The following TMEM26 variants were observed in gnomAD, a reference collection of about 807,000 sequenced individuals.
TMEM26 encodes transmembrane protein 26.
Under a neutral mutation model 28.8 loss-of-function variants are expected in TMEM26, and 38 were observed. That is an observed-to-expected ratio of 1.32 (90% confidence interval 1.02 to 1.73). The LOEUF is 1.73. TMEM26 is among the 40% of genes most tolerant of loss of function. The probability of loss-of-function intolerance (pLI) is 0.00; values close to 1 mark genes in which losing one functional copy is unlikely to be tolerated. For missense variants in TMEM26, 518 were observed against 447.1 expected (o/e 1.16, Z -1.43); for synonymous variants, 227 against 182.9 (o/e 1.24, Z -1.95).
rs796460023 is a variant in TMEM26 at position 61,452,876 on chromosome 10, C to T, written c.191+15G>A. 7.5e-6 allele frequency: 12 copies of T among 1,604,700 alleles called. No individual in the cohort carries two copies. Among genetic ancestry groups the T allele is most frequent in the African/African-American group, 4.0e-5 (3 of 74,868 alleles). ...TAGGGCCCCGTGCGCCCTCGCTTTC[C>T]CGGGGCACTCTCACCATTTGTAGCC... On this transcript the variant is annotated intron_variant, in intron 1 of 5. Transcript: ENST00000399298.
chr10:61,442,063 G>GTA (rs34021628), intron 1 of TMEM26, among the ~76,000 whole-genome samples: 15,797 of 151,442 alleles, frequency 0.1, 1,600 homozygotes, highest in African/African-American at 0.26. Context: ...TATGAAATAT[G>GTA]TATATATATA....
Position 61,408,615 on chromosome 10 carries a change from C to T in TMEM26, c.*1707G>A, listed in dbSNP as rs1405025047. 6.6e-6 allele frequency: 1 copy of T among 152,204 alleles called. No homozygotes were observed. The highest frequency in any genetic ancestry group is 2.4e-5 in the African/African-American group (1 of 41,448). 9.4% of individuals were successfully genotyped at this position (152,204 alleles called of 1,614,324 possible). ...GCAGTTATTATTTTGCTTTCAACTG[C>T]TGAGCACTTCAAATAACATGCCCTT... On this transcript the variant is annotated 3_prime_UTR_variant, in exon 6 of 6. Transcript: ENST00000399298.
intron 1 of TMEM26, among the ~76,000 whole-genome samples, chr10:61,448,426 G>A (rs923096399): frequency 6.6e-6 from 1 of 152,128 alleles, no homozygotes; most frequent in Admixed American, 6.5e-5. Context: ...TCTAAAAACG[G>A]GAGAAAACAG....
chr10:61,430,218 G>T (rs1458003666), intron 3 of TMEM26, among the ~76,000 whole-genome samples: 1 of 152,038 alleles, frequency 6.6e-6, no homozygotes, highest in Non-Finnish European at 1.5e-5. Context: ...AATAAATTGT[G>T]ATTGGAGCTT....
At chr10:61,431,358 T>C in intron 2 of TMEM26, 26 bp from the exon 3 acceptor site, 1 of 1,573,708 alleles carries the variant, frequency 6.4e-7, no homozygotes, top group Non-Finnish European at 8.7e-7. Context: ...GGGAAGGCAA[T>C]TATGGCAAAA....
At position 61,452,814 on chromosome 10, in the gene TMEM26, G is replaced by A. The variant is rs75600431; in HGVS notation, c.191+77C>T. ...ATTCGAGTAGAATCTGCGGGTTGCG[G>A]GAAGATGGCCTGCGAGTGCGGTGGG... On this transcript the variant is annotated intron_variant, in intron 1 of 5. Coordinates refer to ENST00000399298, the MANE Select transcript of TMEM26 (RefSeq NM_178505.8). The A allele has an allele frequency of 4.5e-3, 6,775 of 1,503,008 alleles. 185 individuals carry two copies. The East Asian group carries it at 0.049, about 11-fold the overall frequency. 93.1% of individuals were successfully genotyped at this position (1,503,008 alleles called of 1,614,324 possible). A position where few individuals can be genotyped will look rare whatever the true frequency, so the allele number is the denominator to read the frequency against.
At chr10:61,440,834 A>G (rs1274381967) in intron 1 of TMEM26, among the ~76,000 whole-genome samples, 2 of 152,218 alleles carry the variant, frequency 1.3e-5, no homozygotes, top group East Asian at 3.8e-4. Flanking sequence ...AAGTGCAGTC[A>G]TCCCTTAGTA....
In TMEM26 at chr10:61,452,663, T is replaced by C. The variant is rs541233330; in HGVS notation, c.191+228A>G. On this transcript the variant is annotated intron_variant, in intron 1 of 5. Coordinates refer to ENST00000399298, the MANE Select transcript of TMEM26 (RefSeq NM_178505.8). ...TCCAAACCTGAGACTGGGTGACTCTTGCCTAGGCTCACAGATCGAGCCTTC... is the reference window on the plus strand; with the variant it reads ...TCCAAACCTGAGACTGGGTGACTCTCGCCTAGGCTCACAGATCGAGCCTTC... 1.1e-3 allele frequency: 562 copies of C among 533,840 alleles called. 3 individuals are homozygous for C. The highest frequency in any genetic ancestry group is 5.5e-4 in the Non-Finnish European group (162 of 296,936). 33.1% of individuals were successfully genotyped at this position (533,840 alleles called of 1,614,324 possible).
intron 2 of TMEM26, among the ~76,000 whole-genome samples, chr10:61,435,642 T>A (rs568891777): frequency 6.6e-6 from 1 of 152,224 alleles, no homozygotes; most frequent in Admixed American, 6.5e-5. Context: ...CAAAAATTAA[T>A]CTCCTGTAAT....
At chr10:61,449,258 G>A (rs1840235076) in intron 1 of TMEM26, among the ~76,000 whole-genome samples, 2 of 140,614 alleles carry the variant, frequency 1.4e-5, no homozygotes, top group African/African-American at 5.4e-5. Flanking sequence ...TTAAATATTA[G>A]GTGAAAAAAA....
chr10:61,418,399 T>G (rs1377616898), intron 4 of TMEM26, among the ~76,000 whole-genome samples: 1 of 152,028 alleles, frequency 6.6e-6, no homozygotes, highest in Non-Finnish European at 1.5e-5. Context: ...AGAAAGATAT[T>G]GTTGGTTTGC....
chr10:61,435,016 G>A lies in TMEM26; in HGVS notation c.270+1154C>T, dbSNP rs114230086. Among the ~76,000 whole-genome samples the A allele has an allele frequency of 6.9e-3, 1,044 of 152,250 alleles. 10 individuals are homozygous for A. Among genetic ancestry groups the A allele is most frequent in the African/African-American group, 0.024 (978 of 41,538 alleles). On this transcript the variant is annotated intron_variant, in intron 2 of 5. Transcript: ENST00000399298. ...ATAGTCCTGTAACCTGAACTATGAA[G>A]TCAAAGCTGGAATCAGATGGACTTT...
intron 4 of TMEM26, among the ~76,000 whole-genome samples, chr10:61,427,830 T>C (rs1589033653): frequency 1.3e-5 from 2 of 152,262 alleles, no homozygotes; most frequent in African/African-American, 2.4e-5. Context: ...GTTTTTCTTG[T>C]AACAACATTG....
intron 1 of TMEM26, among the ~76,000 whole-genome samples, chr10:61,446,291 G>A (rs1244539065): frequency 6.6e-6 from 1 of 152,094 alleles, no homozygotes; most frequent in Non-Finnish European, 1.5e-5. Context: ...CATTCAGTGT[G>A]TGCTTCCCAA....
At chr10:61,417,957 A>T (rs1175392691) in intron 4 of TMEM26, among the ~76,000 whole-genome samples, 3 of 152,050 alleles carry the variant, frequency 2.0e-5, no homozygotes, top group African/African-American at 7.2e-5. Context: ...CCAAAGTCAA[A>T]CAACAAATTG....
At chr10:61,410,919 A>T (rs1207012693) in intron 5 of TMEM26, among the ~76,000 whole-genome samples, 173 bp from the exon 6 acceptor site, 4 of 152,204 alleles carry the variant, frequency 2.6e-5, no homozygotes, top group Non-Finnish European at 5.9e-5. Flanking sequence ...GGGTGGAACA[A>T]GTGAAAGCAC....
At position 61,435,323 on chromosome 10, in the gene TMEM26, C is replaced by A. The variant is rs139588032; in HGVS notation, c.270+847G>T. Among the ~76,000 whole-genome samples the A allele has an allele frequency of 8.2e-3, 1,251 of 152,190 alleles. 8 individuals are homozygous for A. The highest frequency in any genetic ancestry group is 0.013 in the Non-Finnish European group (908 of 67,994). ...GGCCTCCACAGTAGCTGAAGTTACACAAGCATGCCACCACGCCCAGATAAT... is the reference window on the plus strand; with the variant it reads ...GGCCTCCACAGTAGCTGAAGTTACAAAAGCATGCCACCACGCCCAGATAAT... On this transcript the variant is annotated intron_variant, in intron 2 of 5. Transcript: ENST00000399298.
intron 1 of TMEM26, among the ~76,000 whole-genome samples, chr10:61,445,704 T>G (rs1237750825): frequency 1.3e-5 from 2 of 152,154 alleles, no homozygotes; most frequent in Admixed American, 1.3e-4. Context: ...GGAAAGAAAC[T>G]TATTTTTAAC....
intron 1 of TMEM26, among the ~76,000 whole-genome samples, chr10:61,445,676 AT>A (rs200305497): frequency 5.9e-5 from 9 of 151,332 alleles, no homozygotes; most frequent in Middle Eastern, 3.4e-3. Flanking sequence ...CCTACATTAA[AT>A]TTTTTTTTAA....
Sources: allele counts gnomAD v4.1 joint callset (sites outside exome capture counted in the v4.1 genomes callset), GRCh38; gene constraint gnomAD v4.1.1; transcripts MANE v1.5; gene names NCBI Gene and HGNC (gene_info 2026-07-23, HGNC 2026-07-21).